The following R3HDM1 variants were observed in gnomAD, a reference collection of about 807,000 sequenced individuals.
R3HDM1 encodes the protein R3H domain-containing protein 1.
In R3HDM1, 46 loss-of-function variants were observed where a neutral mutation model predicts 141.1. That is an observed-to-expected ratio of 0.33 (90% CI 0.26 to 0.42). The LOEUF is 0.42. R3HDM1 is among the 10% of genes least tolerant of loss of function. The pLI is 1.00. For missense variants in R3HDM1, 1,184 were observed against 1,368.3 expected, an observed-to-expected ratio of 0.87 and a Z score of 2.12; for synonymous variants, 435 against 472.9, an observed-to-expected ratio of 0.92 and a Z score of 1.04.
intron 1 of R3HDM1, among the ~76,000 whole-genome samples, chr2:135,599,927 A>T (rs963803206): frequency 6.6e-6 from 1 of 151,900 alleles, no homozygotes; most frequent in Admixed American, 6.6e-5. Context: ...GCAGTTACTC[A>T]GGAGGCCGGA....
At chr2:135,682,627 C>T (rs899806081) in intron 21 of R3HDM1, among the ~76,000 whole-genome samples, 3 of 152,202 alleles carry the variant, frequency 2.0e-5, no homozygotes, top group Admixed American at 6.5e-5. Context: ...CTAGCTTTGG[C>T]CTGAGGGATA....
At chr2:135,682,368 T>G (rs1333964746) in intron 21 of R3HDM1, among the ~76,000 whole-genome samples, 2 of 152,124 alleles carry the variant, frequency 1.3e-5, no homozygotes, top group Admixed American at 6.5e-5. Flanking sequence ...TTTTTCACGT[T>G]TGTTGTACTT....
chr2:135,711,780 G>A lies in R3HDM1; in HGVS notation c.2736+1549G>A, dbSNP rs2075665591. Among the ~76,000 whole-genome samples the A allele has an allele frequency of 2.0e-5, 3 of 151,742 alleles. No homozygotes were observed. The South Asian group carries it at 6.2e-4, about 31-fold the overall frequency. ...TTGAGACCAGCCTGGCCAACATGGA[G>A]AAACCCCGTCTCTACTAAAAATACA... On this transcript the variant is annotated intron_variant, in intron 23 of 26. Transcript: ENST00000683871.
chr2:135,716,979 C>CAAAA (rs925878455), intron 24 of R3HDM1, among the ~76,000 whole-genome samples: 1 of 150,960 alleles, frequency 6.6e-6, no homozygotes, highest in African/African-American at 2.4e-5. Context: ...AAAAAACAAA[C>CAAAA]AAACACGGGG....
chr2:135,709,852 G>A (rs1239329292), intron 22 of R3HDM1, among the ~76,000 whole-genome samples: 1 of 152,176 alleles, frequency 6.6e-6, no homozygotes, highest in Non-Finnish European at 1.5e-5. Context: ...TGATAAGTGA[G>A]ATGTTTAGGC....
chr2:135,719,349 G>A (rs180850695), intron 24 of R3HDM1, among the ~76,000 whole-genome samples: 1 of 149,250 alleles, frequency 6.7e-6, no homozygotes, highest in East Asian at 2.0e-4. Flanking sequence ...ATGGTGGTGG[G>A]CACCTGTAAT....
intron 7 of R3HDM1, among the ~76,000 whole-genome samples, chr2:135,630,822 A>G (rs2105214680): frequency 6.6e-6 from 1 of 151,612 alleles, no homozygotes; most frequent in South Asian, 2.1e-4. Flanking sequence ...TTTTTTTCAC[A>G]TGTATATGAA....
intron 21 of R3HDM1, among the ~76,000 whole-genome samples, chr2:135,697,477 A>G (rs1052737089): frequency 2.0e-5 from 3 of 152,246 alleles, no homozygotes; most frequent in Non-Finnish European, 4.4e-5. Context: ...TGTAGCAACA[A>G]TGTTTAGCCT....
chr2:135,541,625 A>G (rs555555960), intron 1 of R3HDM1, among the ~76,000 whole-genome samples: 13 of 152,294 alleles, frequency 8.5e-5, no homozygotes, highest in South Asian at 6.2e-4. Flanking sequence ...GCATTTATCA[A>G]CTAAGTTCAC....
chr2:135,622,154 G>A, intron 6 of R3HDM1: 2 of 984,600 alleles, frequency 2.0e-6, no homozygotes, highest in African/African-American at 3.5e-5. Flanking sequence ...TATTTGAAAA[G>A]TATTTTGAAA....
intron 23 of R3HDM1, among the ~76,000 whole-genome samples, chr2:135,714,980 A>T (rs1040320178): frequency 2.0e-5 from 3 of 152,264 alleles, no homozygotes; most frequent in African/African-American, 7.2e-5. Flanking sequence ...CAAGGTACAA[A>T]AGCAAGTTTT....
chr2:135,605,087 A>T, intron 3 of R3HDM1, 71 bp downstream of exon 3: 1 of 1,301,036 alleles, frequency 7.7e-7, no homozygotes, highest in Non-Finnish European at 1.1e-6. Flanking sequence ...TTTCATACAA[A>T]ACTCACTTCT....
chr2:135,680,014 G>A (rs1291634123), intron 20 of R3HDM1, among the ~76,000 whole-genome samples, 159 bp from the exon 21 acceptor site: 2 of 152,006 alleles, frequency 1.3e-5, no homozygotes, highest in Non-Finnish European at 2.9e-5. Context: ...CAGGAGGCAG[G>A]GGTTGCAGTG....
chr2:135,721,784 C>G, intron 24 of R3HDM1, 140 bp from the exon 25 acceptor site: 1 of 553,410 alleles, frequency 1.8e-6, no homozygotes, highest in Non-Finnish European at 3.3e-6. Flanking sequence ...GATGGGGTTT[C>G]ACCATGTTGG....
chr2:135,566,415 C>G (rs1006814847), intron 1 of R3HDM1, among the ~76,000 whole-genome samples: 1 of 152,122 alleles, frequency 6.6e-6, no homozygotes, highest in Non-Finnish European at 1.5e-5. Flanking sequence ...AGTGATACTG[C>G]CCAGAGATCT....
At chr2:135,567,051 G>A (rs139026360) in intron 1 of R3HDM1, among the ~76,000 whole-genome samples, 64 of 151,864 alleles carry the variant, frequency 4.2e-4, no homozygotes, top group Middle Eastern at 6.8e-3. Flanking sequence ...TCTACCACAC[G>A]TCTTTGTGGT....
chr2:135,586,619 C>T, intron 1 of R3HDM1: 3 of 817,304 alleles, frequency 3.7e-6, no homozygotes, highest in Non-Finnish European at 4.4e-6. Context: ...TAAAATTCTA[C>T]TATATTGAAA....
At chr2:135,631,070 A>T (rs1361704463) in intron 7 of R3HDM1, among the ~76,000 whole-genome samples, 2 of 152,084 alleles carry the variant, frequency 1.3e-5, no homozygotes, top group African/African-American at 4.8e-5. Flanking sequence ...CAGTTTATAG[A>T]ATGGGTTGAA....
At chr2:135,621,709 T>C in intron 6 of R3HDM1, 101 bp downstream of exon 6, 1 of 1,364,784 alleles carries the variant, frequency 7.3e-7, no homozygotes, top group Non-Finnish European at 9.6e-7. Context: ...TTATGTAAAA[T>C]GACACAGAAC....
Sources: allele counts gnomAD v4.1 joint callset (sites outside exome capture counted in the v4.1 genomes callset), GRCh38; gene constraint gnomAD v4.1.1; transcripts MANE v1.5; gene names NCBI Gene and HGNC (gene_info 2026-07-23, HGNC 2026-07-21).